IL1RAPL1: variants seen among roughly 807,000 people sequenced by gnomAD.
IL1RAPL1 encodes the protein interleukin-1 receptor accessory protein-like 1.
IL1RAPL1 carries 3 observed loss-of-function variants against 48.4 expected under a neutral mutation model. The observed-to-expected ratio is 0.06, with a 90% confidence interval of 0.03 to 0.16. The LOEUF (loss-of-function observed/expected upper bound fraction) is 0.16. Among genes scored for constraint, IL1RAPL1 ranks in the 10% least tolerant of loss-of-function variants. IL1RAPL1 has a pLI of 1.00. For synonymous variants in IL1RAPL1, 185 were observed against 187.7 expected (o/e 0.99, Z 0.12); for missense variants, 349 against 530.6 (o/e 0.66, Z 3.36).
intron 2 of IL1RAPL1, among the ~76,000 whole-genome samples, chrX:28,963,938 T>C (rs929663641): frequency 9.0e-6 from 1 of 111,717 alleles, no homozygotes; most frequent in Non-Finnish European, 1.9e-5. Flanking sequence ...TGTATCATTC[T>C]ACTCAATTTT....
intron 2 of IL1RAPL1, among the ~76,000 whole-genome samples, chrX:28,933,362 G>A (rs1329359312): frequency 9.0e-6 from 1 of 111,601 alleles, no homozygotes. Context: ...TTCTGAAACT[G>A]TGTAAACACT....
chrX:28,971,890 G>GTGTGTGTA (rs1403299775), intron 2 of IL1RAPL1, among the ~76,000 whole-genome samples: 4 of 106,219 alleles, frequency 3.8e-5, no homozygotes, highest in African/African-American at 1.0e-4. Flanking sequence ...GTGTGTGTGT[G>GTGTGTGTA]TGTGTGTGTG....
chrX:29,028,853 G>A (rs918095393), intron 2 of IL1RAPL1, among the ~76,000 whole-genome samples: 2 of 111,045 alleles, frequency 1.8e-5, no homozygotes, highest in African/African-American at 3.3e-5. Context: ...GCACTGGGGT[G>A]TGCCGGGAGG....
In IL1RAPL1 at chrX:28,955,285, G is replaced by A. The variant is rs191094518; in HGVS notation, c.82+165860G>A. Among the ~76,000 whole-genome samples, 272 of 111,300 alleles carry A rather than the reference G, an allele frequency of 2.4e-3. 2 individuals carry two copies. In the South Asian group the frequency reaches 0.033, roughly 13 times the overall value. On this transcript the variant is annotated intron_variant, in intron 2 of 10. Coordinates refer to ENST00000378993, the MANE Select transcript of IL1RAPL1 (RefSeq NM_014271.4). Reference sequence around the variant, plus strand: ...ATGGCCATAGTTAGAGATAAGATTTGTGCTATTTTTTTGTTTTTCTTGATA... The same window carrying A: ...ATGGCCATAGTTAGAGATAAGATTTATGCTATTTTTTTGTTTTTCTTGATA...
chrX:29,897,310 A>AT (rs889632560), intron 6 of IL1RAPL1, among the ~76,000 whole-genome samples: 18 of 109,442 alleles, frequency 1.6e-4, no homozygotes, highest in South Asian at 7.6e-4. Flanking sequence ...GTTTCTATTT[A>AT]TTTTTTTTTC....
chrX:28,930,138 G>A (rs185268371), intron 2 of IL1RAPL1, among the ~76,000 whole-genome samples: 94 of 111,882 alleles, frequency 8.4e-4, no homozygotes, highest in Non-Finnish European at 1.2e-3. Context: ...AGCTTCTCCC[G>A]CATAGTATTA....
intron 3 of IL1RAPL1, among the ~76,000 whole-genome samples, chrX:29,315,353 G>A (rs772122901): frequency 9.0e-6 from 1 of 111,499 alleles, no homozygotes; most frequent in Non-Finnish European, 1.9e-5. Context: ...ATCAAGGTGT[G>A]GAGCTGGGGT....
chrX:28,605,415 T>C (rs759144065), intron 1 of IL1RAPL1, among the ~76,000 whole-genome samples: 6 of 111,762 alleles, frequency 5.4e-5, no homozygotes, highest in Non-Finnish European at 9.4e-5. Context: ...TCACTCATCA[T>C]TTCTCTCCCT....
chrX:28,690,804 T>G (rs1054163134), intron 1 of IL1RAPL1, among the ~76,000 whole-genome samples: 1 of 110,892 alleles, frequency 9.0e-6, no homozygotes, highest in African/African-American at 3.3e-5. Flanking sequence ...ATTTTAACCA[T>G]AATCATAATC....
chrX:29,321,047 T>C (rs1196690802), intron 3 of IL1RAPL1, among the ~76,000 whole-genome samples: 1 of 111,426 alleles, frequency 9.0e-6, no homozygotes, highest in Non-Finnish European at 1.9e-5. Context: ...TGATGATTTT[T>C]CTCAAATATT....
intron 2 of IL1RAPL1, among the ~76,000 whole-genome samples, chrX:28,923,279 C>A (rs763490415): frequency 9.1e-6 from 1 of 110,075 alleles, no homozygotes; most frequent in Non-Finnish European, 1.9e-5. Context: ...CGGGTTCAAG[C>A]GATTCTCCAG....
At chrX:28,944,026 G>A (rs1013510771) in intron 2 of IL1RAPL1, among the ~76,000 whole-genome samples, 2 of 110,870 alleles carry the variant, frequency 1.8e-5, no homozygotes, top group Non-Finnish European at 3.8e-5. Flanking sequence ...TCATGTGGAC[G>A]TATTTTGTAA....
At chrX:28,893,195 T>G (rs1202041125) in intron 2 of IL1RAPL1, among the ~76,000 whole-genome samples, 1 of 111,489 alleles carries the variant, frequency 9.0e-6, no homozygotes, top group Non-Finnish European at 1.9e-5. Flanking sequence ...AAAAGGAGCG[T>G]CTATACAGGA....
chrX:29,285,020 G>T lies in IL1RAPL1; in HGVS notation c.362+1803G>T, dbSNP rs777390914. ...TCTGATTGTTCATGCATGTCGTAAG[G>T]TGATTCTTCAAGATAGGCAAATGTG... On this transcript the variant is annotated intron_variant, in intron 3 of 10. Coordinates refer to ENST00000378993, the MANE Select transcript of IL1RAPL1 (RefSeq NM_014271.4). Among the ~76,000 whole-genome samples, 4 of 111,531 alleles carry T rather than the reference G, an allele frequency of 3.6e-5. No homozygotes were observed. In the Admixed American group the frequency reaches 3.8e-4, roughly 11 times the overall value.
intron 1 of IL1RAPL1, among the ~76,000 whole-genome samples, chrX:28,664,064 G>T (rs1216038406): frequency 8.9e-6 from 1 of 111,943 alleles, no homozygotes; most frequent in African/African-American, 3.2e-5. Context: ...ATATCTTATT[G>T]CATATTAAAT....
intron 2 of IL1RAPL1, among the ~76,000 whole-genome samples, chrX:29,100,485 G>A (rs1333909074): frequency 9.0e-6 from 1 of 111,480 alleles, no homozygotes; most frequent in Non-Finnish European, 1.9e-5. Context: ...ACTTTGATTG[G>A]CTGAGACTCA....
chrX:29,789,599 T>C (rs1320999998), intron 6 of IL1RAPL1, among the ~76,000 whole-genome samples: 4 of 111,380 alleles, frequency 3.6e-5, no homozygotes, highest in African/African-American at 1.3e-4. Context: ...GTTTTTTTTC[T>C]GGCAAGAGTT....
rs373254634 is a variant in IL1RAPL1, at chrX:28,865,545, A to G, written c.82+76120A>G. 8.0e-5 allele frequency among the ~76,000 whole-genome samples: 9 copies of G among 112,100 alleles called. 1 individual carries two copies. In the East Asian group the frequency reaches 2.2e-3, roughly 28 times the overall value. ...AGTAGGCAATTAAACATTGGAATCT[A>G]GAGTTCATGGAAGAGATCTGAATTG... On this transcript the variant is annotated intron_variant, in intron 2 of 10. Coordinates refer to ENST00000378993, the MANE Select transcript of IL1RAPL1 (RefSeq NM_014271.4).
chrX:29,731,789 G>C (rs1601799282), intron 6 of IL1RAPL1, among the ~76,000 whole-genome samples: 1 of 112,009 alleles, frequency 8.9e-6, no homozygotes, highest in African/African-American at 3.2e-5. Flanking sequence ...CTGAATATCA[G>C]AGCTTGATTG....
Sources: allele counts gnomAD v4.1 joint callset (sites outside exome capture counted in the v4.1 genomes callset), GRCh38; gene constraint gnomAD v4.1.1; transcripts MANE v1.5; gene names NCBI Gene and HGNC (gene_info 2026-07-23, HGNC 2026-07-21).